Variants in STXBP2 observed in about 807,000 individuals in gnomAD.
The protein encoded by STXBP2 is syntaxin binding protein 2.
Under a neutral mutation model 72.2 loss-of-function variants are expected in STXBP2, and 47 were observed. The ratio of observed to expected loss-of-function variants is 0.65; its 90% CI spans 0.51 to 0.83. The LOEUF (loss-of-function observed/expected upper bound fraction) is 0.83, where lower values mean the gene tolerates loss of function less well. Ranked by LOEUF, STXBP2 falls within the 40% of genes least tolerant of loss-of-function variation. The pLI, the probability that STXBP2 is intolerant of heterozygous loss-of-function variation, is 0.00. For missense variants in STXBP2, 702 were observed against 807.6 expected (o/e 0.87, Z 1.58); for synonymous variants, 367 against 338.7 (o/e 1.08, Z -0.92).
intron 4 of STXBP2, 123 bp downstream of exon 4, chr19:7,639,930 ATGTGTGTGCATGTG>A: frequency 4.9e-6 from 2 of 411,578 alleles, no homozygotes; most frequent in Non-Finnish European, 8.4e-6. Flanking sequence ...GTCCATGTGT[ATGTGTGTGCATGTG>A]TGTGCATGTG....
At chr19:7,630,294 G>C in the STXBP2 span, 5 of 524,924 alleles carry the variant, frequency 9.5e-6, no homozygotes, top group African/African-American at 1.9e-5. Context: ...AGGTCTCGAG[G>C]AGATGCTTTT....
At chr19:7,635,033 A>G (rs1388130100), upstream of STXBP2, among the ~76,000 whole-genome samples, 8 of 152,208 alleles carry the variant, frequency 5.3e-5, no homozygotes, top group Non-Finnish European at 1.2e-4. Context: ...GCTCACTGCT[A>G]ATATCTATAC....
At chr19:7,631,704 CG>C in the STXBP2 span, 1 of 1,442,834 alleles carries the variant, frequency 6.9e-7, no homozygotes. Context: ...GGGCTTGTGT[CG>C]GGGGCTGGGG....
chr19:7,638,579 G>A, intron 1 of STXBP2, 147 bp from the exon 2 acceptor site: 1 of 805,826 alleles, frequency 1.2e-6, no homozygotes, highest in Non-Finnish European at 2.0e-6. Flanking sequence ...TTTAGCCTAG[G>A]TGACAGAGTG....
At chr19:7,640,000 CTATG>C (rs199994117) in intron 4 of STXBP2, 193 bp downstream of exon 4, 10,866 of 692,576 alleles carry the variant, frequency 0.016, 593 homozygotes, top group Admixed American at 0.14. Context: ...GCATGTGTGT[CTATG>C]TATGTGTCTG....
chr19:7,637,070 G>T, upstream of STXBP2: 1 of 1,222,662 alleles, frequency 8.2e-7, no homozygotes, highest in Non-Finnish European at 1.0e-6. Flanking sequence ...CCGCGGGGCG[G>T]GGTCCACGTG....
At chr19:7,631,446 C>T in the STXBP2 span, 8 of 1,526,402 alleles carry the variant, frequency 5.2e-6, no homozygotes, top group South Asian at 1.2e-5. Flanking sequence ...TCCCCCCTTC[C>T]TGTCCCACCC....
chr19:7,637,305 C>T lies in STXBP2; in HGVS notation c.37+119C>T, dbSNP rs566040562. The stretch of plus-strand genomic sequence containing the variant: ...GGAGTTGGGGGCCGGGCTGGGCGTC[C>T]GAGCACCTGACCCTCGAGGGGGCGG... On this transcript the variant is annotated intron_variant, in intron 1 of 18. Transcript: ENST00000221283. 577 of 736,306 alleles carry T rather than the reference C, an allele frequency of 7.8e-4. 3 individuals carry two copies. The highest frequency in any genetic ancestry group is 9.7e-4 in the Non-Finnish European group (558 of 577,904). The allele number at this position is 736,306 out of a possible 1,614,324, so 45.6% of individuals were successfully genotyped here. A position where few individuals can be genotyped will look rare whatever the true frequency, so the allele number is the denominator to read the frequency against.
chr19:7,640,026 ATGTGTG>A (rs1425814069), intron 4 of STXBP2: 10 of 654,700 alleles, frequency 1.5e-5, no homozygotes, highest in Non-Finnish European at 2.5e-5. Context: ...GTGCATGTGC[ATGTGTG>A]TGCGTCTGTG....
In STXBP2 at chr19:7,642,572, G is replaced by A. The variant is rs1030091083; in HGVS notation, c.902+36G>A. Reference sequence around the variant, plus strand: ...ACGGGGACCGGATCCCCCCCCCACCGCCCACTGTGGGCCTGGTAGCGGCCT... The same window carrying A: ...ACGGGGACCGGATCCCCCCCCCACCACCCACTGTGGGCCTGGTAGCGGCCT... On this transcript the variant is annotated intron_variant, in intron 10 of 18. Transcript: ENST00000221283. This position sits in a 1 kb window ranked among gnomAD's most constrained non-coding sequence, Gnocchi z 6.0. 15 of 1,605,844 alleles carry A rather than the reference G, an allele frequency of 9.3e-6. No individual in the cohort carries two copies. The highest frequency in any genetic ancestry group is 1.7e-4 in the Middle Eastern group (1 of 5,986).
rs8106736 is a variant in STXBP2 at position 7,646,752 on chromosome 19, A to G, written c.1452+408A>G. 0.016 allele frequency: 6,348 copies of G among 385,646 alleles called. 384 individuals carry two copies. The East Asian group carries it at 0.18, about 11-fold the overall frequency. The allele number at this position is 385,646 out of a possible 1,614,324, so 23.9% of individuals were successfully genotyped here. On this transcript the variant is annotated intron_variant, in intron 16 of 18. Coordinates refer to ENST00000221283, the MANE Select transcript of STXBP2 (RefSeq NM_006949.4). ...CGGCCCCTCTTTCTGCGTGGGGGCC[A>G]GAGACCTGGGCCTCCTCATCCCCAT...
chr19:7,646,727 C>T (rs905431996), intron 16 of STXBP2: 14 of 383,804 alleles, frequency 3.6e-5, no homozygotes, highest in African/African-American at 2.5e-4. Context: ...CTAAGAGCCC[C>T]GGCCCCTCTT....
chr19:7,647,619 G>A (rs1203010154), intron 18 of STXBP2, 106 bp from the exon 19 acceptor site: 1 of 1,599,000 alleles, frequency 6.3e-7, no homozygotes, highest in South Asian at 1.1e-5. Context: ...CAGGGACCTG[G>A]TTTGCTGAGG....
the STXBP2 span, chr19:7,630,753 G>A: frequency 6.5e-7 from 1 of 1,536,102 alleles, no homozygotes. Flanking sequence ...CCTCCCATAA[G>A]CCGACCCTGC....
intron 15 of STXBP2, chr19:7,646,041 C>G (rs755747348): frequency 2.8e-5 from 17 of 598,214 alleles, no homozygotes; most frequent in Non-Finnish European, 5.1e-5. Flanking sequence ...CTCGCTCTCT[C>G]TCCCTTTGGC....
chr19:7,641,033 G>T, intron 6 of STXBP2, 30 bp downstream of exon 6: 1 of 1,609,484 alleles, frequency 6.2e-7, no homozygotes, highest in Non-Finnish European at 8.5e-7. Flanking sequence ...TGGGCAGGGG[G>T]TGGGGGTTTG....
chr19:7,631,029 C>A, the STXBP2 span: 4 of 814,832 alleles, frequency 4.9e-6, no homozygotes, highest in Non-Finnish European at 7.7e-6. Context: ...GCCAACATGG[C>A]GAAACCCCAT....
chr19:7,639,385 C>T, intron 3 of STXBP2: 1 of 586,366 alleles, frequency 1.7e-6, no homozygotes, highest in Non-Finnish European at 3.0e-6. Flanking sequence ...TGTGGGACTC[C>T]CAGGGTGGAC....
chr19:7,631,381 G>A, the STXBP2 span: 1 of 1,398,952 alleles, frequency 7.1e-7, no homozygotes, highest in Non-Finnish European at 9.5e-7. Flanking sequence ...TCTGGGGCAG[G>A]GTGGTGGGAG....
Sources: allele counts gnomAD v4.1 joint callset (sites outside exome capture counted in the v4.1 genomes callset), GRCh38; gene constraint gnomAD v4.1.1; non-coding constraint Gnocchi (gnomAD v3.1); transcripts MANE v1.5; gene names NCBI Gene and HGNC (gene_info 2026-07-23, HGNC 2026-07-21).